GRIN3A: variants seen among roughly 807,000 people sequenced by gnomAD.
GRIN3A encodes glutamate ionotropic receptor NMDA type subunit 3A, also known as glutamate receptor ionotropic, NMDA 3A.
Under a neutral mutation model 92.4 loss-of-function variants are expected in GRIN3A, and 47 were observed. The observed-to-expected ratio is 0.51, with a 90% CI of 0.40 to 0.65. GRIN3A has a LOEUF of 0.65. Ranked by LOEUF, GRIN3A falls within the 30% of genes least tolerant of loss-of-function variation. The probability of loss-of-function intolerance (pLI) is 0.00; values close to 1 mark genes in which losing one functional copy is unlikely to be tolerated. For missense variants in GRIN3A, 1,324 were observed against 1,393.1 expected (o/e 0.95, Z 0.79); for synonymous variants, 527 against 540.6 (o/e 0.97, Z 0.35).
intron 5 of GRIN3A, among the ~76,000 whole-genome samples, chr9:101,621,364 A>G (rs1218209529): frequency 2.0e-5 from 3 of 151,814 alleles, no homozygotes; most frequent in Admixed American, 6.6e-5. Context: ...TTTCTACCAC[A>G]TTGTTTCGTG....
At chr9:101,718,919 T>C (rs903834660) in intron 1 of GRIN3A, among the ~76,000 whole-genome samples, 1 of 152,222 alleles carries the variant, frequency 6.6e-6, no homozygotes, top group Non-Finnish European at 1.5e-5. Flanking sequence ...ATTAATGTTG[T>C]CATGAAAAGA....
chr9:101,676,863 C>CT (rs11428077), intron 2 of GRIN3A, among the ~76,000 whole-genome samples: 34,889 of 147,214 alleles, frequency 0.24, 4,323 homozygotes, highest in East Asian at 0.56. Flanking sequence ...TCCCCTTTTC[C>CT]TTTTTTTTTT....
chr9:101,725,279 T>G (rs1433304380), intron 1 of GRIN3A, among the ~76,000 whole-genome samples: 1 of 152,172 alleles, frequency 6.6e-6, no homozygotes, highest in Non-Finnish European at 1.5e-5. Context: ...AAAATTGCTT[T>G]AAGAAAATTT....
intron 6 of GRIN3A, among the ~76,000 whole-genome samples, chr9:101,589,266 C>T (rs1388579575): frequency 2.0e-5 from 3 of 152,156 alleles, no homozygotes. Context: ...AGCCTCTGCA[C>T]CTGGCCATGT....
chr9:101,733,271 C>G (rs957993220), intron 1 of GRIN3A, among the ~76,000 whole-genome samples: 1 of 152,154 alleles, frequency 6.6e-6, no homozygotes, highest in African/African-American at 2.4e-5. Context: ...AAACTAATTG[C>G]TCAATAAATG....
At chr9:101,637,300 AG>A (rs1828797279) in intron 3 of GRIN3A, among the ~76,000 whole-genome samples, 1 of 152,072 alleles carries the variant, frequency 6.6e-6, no homozygotes, top group Non-Finnish European at 1.5e-5. Flanking sequence ...TCACCATGTT[AG>A]CCAGGATGGT....
At chr9:101,611,979 G>C (rs1397414197) in intron 6 of GRIN3A, among the ~76,000 whole-genome samples, 3 of 152,194 alleles carry the variant, frequency 2.0e-5, no homozygotes, top group Admixed American at 2.0e-4. Flanking sequence ...AGAGGAAAGT[G>C]GCTGGGATGA....
chr9:101,621,447 T>C (rs1828554547), intron 5 of GRIN3A, among the ~76,000 whole-genome samples: 1 of 152,182 alleles, frequency 6.6e-6, no homozygotes, highest in South Asian at 2.1e-4. Context: ...AGAAGTAGAA[T>C]TGAATTAATT....
intron 2 of GRIN3A, among the ~76,000 whole-genome samples, chr9:101,673,268 C>CT (rs1253217094): frequency 6.6e-6 from 1 of 152,064 alleles, no homozygotes; most frequent in Non-Finnish European, 1.5e-5. Flanking sequence ...TTACACAACT[C>CT]TGTCATTCCA....
Position 101,576,221 on chromosome 9 carries a change from G to A in GRIN3A, c.3008+1547C>T, listed in dbSNP as rs376219996. 7.2e-5 allele frequency among the ~76,000 whole-genome samples: 11 copies of A among 152,232 alleles called. No homozygotes were observed. The East Asian group carries it at 2.1e-3, about 29-fold the overall frequency. On this transcript the variant is annotated intron_variant, in intron 8 of 8. Transcript: ENST00000361820. ...TTAACACTAAAAATGGGTAAAATAGGCTTCCCTGGAGCAATTATGTAACAC... is the reference window on the plus strand; with the variant it reads ...TTAACACTAAAAATGGGTAAAATAGACTTCCCTGGAGCAATTATGTAACAC...
chr9:101,686,522 G>T lies in GRIN3A; in HGVS notation c.1304+74C>A, dbSNP rs1399322617. ...TACTCAGAGTCAAGATTTCTGCAAAGCGGACAGATAGGGGAATTTTACTCT... is the reference window on the plus strand; with the variant it reads ...TACTCAGAGTCAAGATTTCTGCAAATCGGACAGATAGGGGAATTTTACTCT... On this transcript the variant is annotated intron_variant, in intron 2 of 8. Transcript: ENST00000361820. The T allele has an allele frequency of 2.6e-6, 4 of 1,530,808 alleles. No individual in the cohort carries two copies. The East Asian group carries it at 9.0e-5, about 34-fold the overall frequency. 94.8% of individuals were successfully genotyped at this position (1,530,808 alleles called of 1,614,324 possible).
chr9:101,620,207 G>C (rs573344765), intron 5 of GRIN3A, among the ~76,000 whole-genome samples: 1 of 152,324 alleles, frequency 6.6e-6, no homozygotes, highest in East Asian at 1.9e-4. Flanking sequence ...GGAAGTCCAA[G>C]ATCAGGGCAA....
intron 3 of GRIN3A, among the ~76,000 whole-genome samples, chr9:101,628,948 G>A (rs954448537): frequency 6.7e-6 from 1 of 149,434 alleles, no homozygotes; most frequent in Non-Finnish European, 1.5e-5. Flanking sequence ...AGATAATACA[G>A]AGTATTTTTT....
At chr9:101,588,878 A>G (rs1194685626) in intron 6 of GRIN3A, among the ~76,000 whole-genome samples, 15 of 152,048 alleles carry the variant, frequency 9.9e-5, no homozygotes, top group Admixed American at 7.9e-4. Flanking sequence ...AATTGACTTG[A>G]CTACTCCCAA....
chr9:101,614,641 A>G (rs1828416579), intron 5 of GRIN3A, among the ~76,000 whole-genome samples: 2 of 101,000 alleles, frequency 2.0e-5, no homozygotes, highest in Admixed American at 2.8e-4. Flanking sequence ...TTTTTTGGAG[A>G]CAGGGTCTTG....
intron 2 of GRIN3A, among the ~76,000 whole-genome samples, chr9:101,684,661 T>A (rs1829507694): frequency 6.6e-6 from 1 of 152,136 alleles, no homozygotes; most frequent in African/African-American, 2.4e-5. Context: ...GAAAGATCAG[T>A]CTGATCTTGG....
intron 3 of GRIN3A, among the ~76,000 whole-genome samples, chr9:101,629,274 C>A (rs890112250): frequency 1.3e-5 from 2 of 151,758 alleles, no homozygotes; most frequent in Non-Finnish European, 2.9e-5. Flanking sequence ...ATATATTATA[C>A]ACACACACAC....
intron 1 of GRIN3A, among the ~76,000 whole-genome samples, chr9:101,736,478 A>G (rs771371546): frequency 8.5e-5 from 13 of 152,210 alleles, no homozygotes; most frequent in Non-Finnish European, 1.8e-4. Context: ...TCAATAAGAA[A>G]CTAAATCATT....
chr9:101,601,279 C>A (rs138011198), intron 6 of GRIN3A, among the ~76,000 whole-genome samples: 1 of 152,184 alleles, frequency 6.6e-6, no homozygotes, highest in South Asian at 2.1e-4. Flanking sequence ...TTGGCTAAGA[C>A]ATTTAGTCTC....
Sources: gnomAD v4.1 joint callset for allele counts (sites outside exome capture counted in the v4.1 genomes callset) on GRCh38, gnomAD v4.1.1 for gene constraint, MANE v1.5 for transcripts, NCBI Gene and HGNC (gene_info 2026-07-23, HGNC 2026-07-21) for gene names.